The following LYSMD4 variants were observed in gnomAD, a reference collection of about 807,000 sequenced individuals.
LYSMD4 encodes lysM and putative peptidoglycan-binding domain-containing protein 4.
A neutral mutation model predicts 6.1 loss-of-function variants in LYSMD4; 9 were observed. The observed-to-expected ratio is 1.47, with a 90% CI of 0.88 to 2.56. The LOEUF is 2.56. Ranked by LOEUF, LYSMD4 falls within the 30% of genes most tolerant of loss-of-function variation. The pLI is 0.00. For synonymous variants in LYSMD4, 143 were observed against 148.5 expected (o/e 0.96, Z 0.27); for missense variants, 384 against 373.5 (o/e 1.03, Z -0.23).
chr15:99,731,325 G>GA, intron 2 of LYSMD4: 3 of 1,606,044 alleles, frequency 1.9e-6, no homozygotes, highest in Non-Finnish European at 2.5e-6. Flanking sequence ...GAAAGGTTCA[G>GA]AAAAATAAGA....
chr15:99,716,360 G>GT (rs776011027), exon 1 of LYSMD4: 1 of 357,272 alleles, frequency 2.8e-6, no homozygotes, highest in Non-Finnish European at 5.6e-6. Context: ...TGAATGTGTT[G>GT]TTTTTCTTCA....
At chr15:99,717,926 C>T (rs566375936), upstream of LYSMD4, 1 of 152,364 alleles carries the variant, frequency 6.6e-6, no homozygotes, top group South Asian at 2.1e-4. Flanking sequence ...TTTTGACTTA[C>T]AGAAAAGTTG....
intron 2 of LYSMD4, chr15:99,731,430 G>T (rs756460334): frequency 6.2e-7 from 1 of 1,605,948 alleles, no homozygotes; most frequent in South Asian, 1.1e-5. Flanking sequence ...GTGCTCGAAA[G>T]AAGAAAAAAG....
Position 99,731,987 on chromosome 15 carries a change from C to A in LYSMD4, c.13G>T (p.Glu5Ter), listed in dbSNP as rs749981724. The A allele has an allele frequency of 5.1e-6, 8 of 1,569,152 alleles. No homozygotes were observed. The South Asian group carries it at 9.1e-5, about 18-fold the overall frequency. Residue 5 changes from glutamate to a stop codon, truncating the protein, a stop_gained, in exon 2 of 3, where the codon GAA becomes TAA. Transcript: ENST00000684762. LOFTEE classifies it high-confidence loss of function. MRHE[E>*]LLTKTFQGPA... ...CCTTGGAAGGTCTTGGTTAACAATTCCTCGTGCCTCATTTTCTTCACTGAA... is the reference window on the plus strand; with the variant it reads ...CCTTGGAAGGTCTTGGTTAACAATTACTCGTGCCTCATTTTCTTCACTGAA...
Position 99,728,630 on chromosome 15 carries a change from C to G in LYSMD4, c.*493G>C, listed in dbSNP as rs35643336. On this transcript the variant is annotated 3_prime_UTR_variant, in exon 3 of 3. Coordinates refer to ENST00000684762, the MANE Select transcript of LYSMD4 (RefSeq NM_001284417.2). ...CAACTGTAACTGTCACTCTCTAAAA[C>G]AGGGTGGCATGCCAAGCCTATTCCA... is the stretch of plus-strand genomic sequence containing the variant. 0.016 allele frequency: 2,749 copies of G among 176,204 alleles called. 40 individuals carry two copies. Among genetic ancestry groups the G allele is most frequent in the East Asian group, 0.049 (377 of 7,672 alleles). 10.9% of individuals were successfully genotyped at this position (176,204 alleles called of 1,614,324 possible). A position where few individuals can be genotyped will look rare whatever the true frequency, so the allele number is the denominator to read the frequency against.
At chr15:99,724,560 C>T (rs1245320062), downstream of LYSMD4, among the ~76,000 whole-genome samples, 3 of 152,234 alleles carry the variant, frequency 2.0e-5, no homozygotes, top group Non-Finnish European at 2.9e-5. Flanking sequence ...CCACTGCGCC[C>T]AGCCCTGGCA....
At position 99,728,619 on chromosome 15, in the gene LYSMD4, ACT is replaced by A. The variant is rs2059327045; in HGVS notation, c.*502_*503del. 5.8e-6 allele frequency: 1 copy of A among 170,988 alleles called. No individual in the cohort carries two copies. Among genetic ancestry groups the A allele is most frequent in the Non-Finnish European group, 1.3e-5 (1 of 76,942 alleles). The allele number at this position is 170,988 out of a possible 1,614,324, so 10.6% of individuals were successfully genotyped here. On this transcript the variant is annotated 3_prime_UTR_variant, in exon 3 of 3. Coordinates refer to ENST00000684762, the MANE Select transcript of LYSMD4 (RefSeq NM_001284417.2). ...TAGGCTTGTTACAACTGTAACTGTC[ACT>A]CTCTAAAACAGGGTGGCATGCCAAG...
At position 99,729,038 on chromosome 15, in the gene LYSMD4, C is replaced by A. The variant is rs1301559526; in HGVS notation, c.*85G>T. The stretch of plus-strand genomic sequence containing the variant: ...TCCATCCTTCCCCGGAAGCAAAATG[C>A]AGCACCCCTAGGACATCGCCAGTGA... On this transcript the variant is annotated 3_prime_UTR_variant, in exon 3 of 3. Coordinates refer to ENST00000684762, the MANE Select transcript of LYSMD4 (RefSeq NM_001284417.2). The A allele has an allele frequency of 1.9e-6, 3 of 1,545,440 alleles. No individual in the cohort carries two copies. The highest frequency in any genetic ancestry group is 2.6e-6 in the Non-Finnish European group (3 of 1,141,458).
intron 1 of LYSMD4, 93 bp downstream of exon 1, chr15:99,733,252 C>T (rs2059467451): frequency 7.9e-6 from 3 of 380,916 alleles, no homozygotes; most frequent in Non-Finnish European, 1.4e-5. Context: ...GCGGCCCGCC[C>T]GCGAACCCTC....
downstream of LYSMD4, chr15:99,727,404 A>G (rs1355855524): frequency 2.0e-5 from 3 of 152,254 alleles, no homozygotes; most frequent in East Asian, 5.8e-4. Flanking sequence ...GGGGGAATCA[A>G]TTTTCCTCCA....
intron 2 of LYSMD4, 188 bp downstream of exon 2, chr15:99,731,530 G>A: frequency 6.4e-7 from 1 of 1,555,344 alleles, no homozygotes; most frequent in Non-Finnish European, 8.6e-7. Flanking sequence ...TGGGGGCCAG[G>A]GTTGGGAACT....
exon 1 of LYSMD4, chr15:99,717,636 G>T (rs2059198104): frequency 6.6e-6 from 1 of 152,212 alleles, no homozygotes; most frequent in African/African-American, 2.4e-5. Flanking sequence ...TTCCCAGGCA[G>T]CCCCAGCCCC....
rs143260272 is a variant in LYSMD4, at chr15:99,716,888, TTAAAGTC to T, written c.-98_-92del. ...AGCTATCATTAGATTCTGGGTCTCT[TTAAAGTC>T]TAGGGTGTGAAATGATTAGTTTTGC... On this transcript the variant is annotated 5_prime_UTR_variant, in exon 1 of 1. Coordinates refer to the LYSMD4 transcript ENST00000378904. The T allele has an allele frequency of 1.1e-3, 396 of 350,304 alleles. 10 individuals are homozygous for T. The East Asian group carries it at 0.029, about 25-fold the overall frequency. The allele number at this position is 350,304 out of a possible 1,614,324, so 21.7% of individuals were successfully genotyped here. A position where few individuals can be genotyped will look rare whatever the true frequency, so the allele number is the denominator to read the frequency against.
At chr15:99,719,575 A>G (rs116745804), upstream of LYSMD4, among the ~76,000 whole-genome samples, 1,759 of 152,228 alleles carry the variant, frequency 0.012, 32 homozygotes, top group African/African-American at 0.039. Context: ...ATCACTCCAT[A>G]GAGTGATTAG....
downstream of LYSMD4, among the ~76,000 whole-genome samples, chr15:99,724,696 G>A (rs557382788): frequency 2.2e-4 from 33 of 152,230 alleles, no homozygotes; most frequent in Non-Finnish European, 4.4e-4. Context: ...AGTAGCCCAT[G>A]TTCCTTATTC....
chr15:99,725,637 T>A (rs1305630828), downstream of LYSMD4, among the ~76,000 whole-genome samples: 3 of 152,100 alleles, frequency 2.0e-5, no homozygotes, highest in African/African-American at 4.8e-5. Context: ...TAAATGCTGA[T>A]TCTACAGTTA....
chr15:99,719,465 G>A (rs1038960159), upstream of LYSMD4, among the ~76,000 whole-genome samples: 3 of 152,010 alleles, frequency 2.0e-5, no homozygotes, highest in South Asian at 2.1e-4. Context: ...TCTCTCACCC[G>A]CCCCTAGAGA....
In LYSMD4 at chr15:99,728,784, CGACA is replaced by C. The variant is rs1721945453; in HGVS notation, c.*335_*338del. On this transcript the variant is annotated 3_prime_UTR_variant, in exon 3 of 3. Transcript: ENST00000684762. ...ACTGGCTCTCACGCTGCAGGTCCCT[CGACA>C]GAGGCCATAAATCTTTCCCTCCGAG... 3.2e-6 allele frequency: 1 copy of C among 309,156 alleles called. No individual in the cohort carries two copies. Among genetic ancestry groups the C allele is most frequent in the Non-Finnish European group, 6.2e-6 (1 of 160,548 alleles). 19.2% of individuals were successfully genotyped at this position (309,156 alleles called of 1,614,324 possible).
upstream of LYSMD4, among the ~76,000 whole-genome samples, chr15:99,718,571 T>C (rs2059212506): frequency 6.6e-6 from 1 of 152,238 alleles, no homozygotes; most frequent in Non-Finnish European, 1.5e-5. Context: ...ATTATGTCAT[T>C]GTGGACTCGG....
Sources: gnomAD v4.1 joint callset for allele counts (sites outside exome capture counted in the v4.1 genomes callset) on GRCh38, gnomAD v4.1.1 for gene constraint, MANE v1.5 for transcripts, NCBI Gene and HGNC (gene_info 2026-07-23, HGNC 2026-07-21) for gene names.